ARMH3: variants seen among roughly 807,000 people sequenced by gnomAD.
The protein encoded by ARMH3 is armadillo like helical domain containing 3.
In ARMH3, 60 loss-of-function variants were observed where a neutral mutation model predicts 99.1. The ratio of observed to expected loss-of-function variants is 0.61; its 90% confidence interval spans 0.49 to 0.75. The LOEUF is 0.75. ARMH3 is among the 30% of genes least tolerant of loss of function. The pLI, the probability that ARMH3 is intolerant of heterozygous loss-of-function variation, is 0.00. For synonymous variants in ARMH3, 285 were observed against 292.8 expected (o/e 0.97, Z 0.27); for missense variants, 679 against 843.1 (o/e 0.81, Z 2.41).
chr10:101,995,471 A>G, intron 15 of ARMH3, 116 bp from the exon 16 acceptor site: 1 of 842,818 alleles, frequency 1.2e-6, no homozygotes, highest in African/African-American at 1.7e-5. Flanking sequence ...TCTTCCCACA[A>G]AATCCATAAA....
At chr10:101,992,103 C>T (rs1247644638) in intron 17 of ARMH3, 65 bp from the exon 18 acceptor site, 1 of 1,279,372 alleles carries the variant, frequency 7.8e-7, no homozygotes, top group African/African-American at 1.5e-5. Context: ...AATGGCCCAT[C>T]ATCATGTTCC....
intron 23 of ARMH3, among the ~76,000 whole-genome samples, chr10:101,900,576 C>T (rs2067949024): frequency 1.3e-5 from 2 of 152,100 alleles, no homozygotes; most frequent in African/African-American, 4.8e-5. Flanking sequence ...TTAATTACAC[C>T]TCATTCCCAT....
chr10:102,033,424 CTTTT>C, intron 2 of ARMH3, 85 bp from the exon 3 acceptor site: 9 of 1,090,146 alleles, frequency 8.3e-6, no homozygotes, highest in Non-Finnish European at 1.0e-5. Context: ...CCTTAGTTTT[CTTTT>C]TTTTTTTTTG....
At chr10:102,008,616 G>A (rs982692668) in intron 13 of ARMH3, among the ~76,000 whole-genome samples, 6 of 151,828 alleles carry the variant, frequency 4.0e-5, no homozygotes, top group South Asian at 2.1e-4. Context: ...GCAATGGCGC[G>A]ACTTCGGCTC....
chr10:101,878,698 A>G (rs559994647), intron 24 of ARMH3, among the ~76,000 whole-genome samples: 8 of 152,130 alleles, frequency 5.3e-5, no homozygotes, highest in African/African-American at 1.7e-4. Context: ...ATGGTGGCTC[A>G]TGCCTGTAAT....
chr10:101,877,487 C>T (rs1224033285), intron 24 of ARMH3, among the ~76,000 whole-genome samples: 1 of 152,042 alleles, frequency 6.6e-6, no homozygotes, highest in East Asian at 1.9e-4. Flanking sequence ...TGGTGAAACC[C>T]CATCTCTACT....
intron 24 of ARMH3, among the ~76,000 whole-genome samples, chr10:101,888,151 T>A (rs1478622189): frequency 1.3e-5 from 2 of 150,334 alleles, no homozygotes; most frequent in African/African-American, 2.5e-5. Flanking sequence ...TGCATAAAAC[T>A]CAAGATGTTG....
At position 101,981,010 on chromosome 10, in the gene ARMH3, G is replaced by T. The variant is rs534364930; in HGVS notation, c.1407-5710C>A. 2.3e-4 allele frequency among the ~76,000 whole-genome samples: 35 copies of T among 150,920 alleles called. 1 individual carries two copies. In the East Asian group the frequency reaches 6.5e-3, roughly 28 times the overall value. ...CACTCATAAGTGGGAGCTGAACATT[G>T]AGAACACATGCACACAGAGAGGGGA... On this transcript the variant is annotated intron_variant, in intron 19 of 25. Coordinates refer to ENST00000370033, the MANE Select transcript of ARMH3 (RefSeq NM_024541.3).
At chr10:101,919,855 A>C (rs1358988362) in intron 23 of ARMH3, among the ~76,000 whole-genome samples, 2 of 152,116 alleles carry the variant, frequency 1.3e-5, no homozygotes, top group Non-Finnish European at 2.9e-5. Context: ...GGCTTAACGT[A>C]GATTCTTATC....
At chr10:102,049,749 G>A (rs1217692991) in intron 1 of ARMH3, among the ~76,000 whole-genome samples, 1 of 151,704 alleles carries the variant, frequency 6.6e-6, no homozygotes, top group Non-Finnish European at 1.5e-5. Context: ...TAGAGATTGA[G>A]TTTCACCATG....
At chr10:101,978,522 G>A (rs1846100709) in intron 19 of ARMH3, among the ~76,000 whole-genome samples, 1 of 152,202 alleles carries the variant, frequency 6.6e-6, no homozygotes, top group Non-Finnish European at 1.5e-5. Context: ...AACAGGCTAG[G>A]TGCAGTGGCT....
intron 23 of ARMH3, among the ~76,000 whole-genome samples, chr10:101,918,342 C>T (rs1397701992): frequency 6.6e-6 from 1 of 152,216 alleles, no homozygotes; most frequent in African/African-American, 2.4e-5. Context: ...GCGTAAGCCA[C>T]TGCGCCTGGC....
chr10:102,053,945 TG>T (rs1170660739), intron 1 of ARMH3, among the ~76,000 whole-genome samples: 2 of 152,200 alleles, frequency 1.3e-5, no homozygotes, highest in African/African-American at 2.4e-5. Context: ...GCTCAATAAA[TG>T]TGTTGAATAA....
In ARMH3 at chr10:102,001,994, G is replaced by A; in HGVS notation, c.1127C>T (p.Ser376Leu). 6.2e-7 allele frequency: 1 copy of A among 1,614,076 alleles called. No individual in the cohort carries two copies. Among genetic ancestry groups the A allele is most frequent in the East Asian group, 2.2e-5 (1 of 44,882 alleles). ...NLLITFLKYS[S>L]IVMQDTKDEH... ...ACCTTTGGTGTCCTGCATGACAATT[G>A]AGCTATACTTTAAAAAGGTTATCAG... Residue 376 changes from serine (S) to leucine (L), a missense_variant, in exon 15 of 26, where the codon TCA (serine) becomes TTA (leucine). Ser to Leu is a moderately radical substitution (Grantham distance 145). Transcript: ENST00000370033.
At chr10:101,963,829 T>G (rs1845415016) in intron 20 of ARMH3, among the ~76,000 whole-genome samples, 2 of 152,006 alleles carry the variant, frequency 1.3e-5, no homozygotes, top group East Asian at 3.9e-4. Context: ...CTGACCTACT[T>G]ATTTTATGCC....
chr10:101,945,112 C>G (rs548365152), intron 22 of ARMH3, among the ~76,000 whole-genome samples: 9 of 152,212 alleles, frequency 5.9e-5, no homozygotes, highest in African/African-American at 1.9e-4. Flanking sequence ...CAAAAGCAGA[C>G]AGATTATAGA....
intron 5 of ARMH3, among the ~76,000 whole-genome samples, chr10:102,028,008 A>AC (rs1373338874): frequency 2.0e-5 from 3 of 151,296 alleles, no homozygotes; most frequent in Non-Finnish European, 4.4e-5. Flanking sequence ...AAAAAAAGAC[A>AC]CCCCCATCTA....
intron 24 of ARMH3, 22 bp from the exon 25 acceptor site, chr10:101,849,914 G>A: frequency 6.2e-7 from 1 of 1,603,850 alleles, no homozygotes; most frequent in Middle Eastern, 1.7e-4. Context: ...CAAGGGCCAG[G>A]CAGGGCTTAG....
chr10:101,966,587 G>A (rs749420916), intron 20 of ARMH3, among the ~76,000 whole-genome samples: 2 of 151,904 alleles, frequency 1.3e-5, no homozygotes, highest in African/African-American at 4.8e-5. Context: ...AGTTGAATAC[G>A]ATCCATCTGA....
Sources: allele counts gnomAD v4.1 joint callset (sites outside exome capture counted in the v4.1 genomes callset), GRCh38; gene constraint gnomAD v4.1.1; transcripts MANE v1.5; gene names NCBI Gene and HGNC (gene_info 2026-07-23, HGNC 2026-07-21).